KLRG1: variants seen among roughly 807,000 people sequenced by gnomAD.
KLRG1 encodes killer cell lectin-like receptor subfamily G member 1.
KLRG1 carries 16 observed loss-of-function variants against 21.8 expected under a neutral mutation model. That is an observed-to-expected ratio of 0.73 (90% CI 0.50 to 1.11). The LOEUF is 1.11. KLRG1 is among the 50% of genes most tolerant of loss of function. KLRG1 has a pLI of 0.00. For synonymous variants in KLRG1, 69 were observed against 75.9 expected, an observed-to-expected ratio of 0.91 and a Z score of 0.47; for missense variants, 173 against 218.3, an observed-to-expected ratio of 0.79 and a Z score of 1.31.
chr12:9,160,440 G>A, the KLRG1 span: 2 of 1,613,970 alleles, frequency 1.2e-6, no homozygotes, highest in South Asian at 2.2e-5. Context: ...CAGCCATATG[G>A]CATCTGGAGG....
At chr12:8,962,828 G>T (rs1208603193) in intron 1 of KLRG1, among the ~76,000 whole-genome samples, 2 of 152,100 alleles carry the variant, frequency 1.3e-5, no homozygotes, top group Non-Finnish European at 2.9e-5. Context: ...GAGCTTCAGT[G>T]ACCTGTGGTA....
chr12:9,115,993 TAAAC>T, the KLRG1 span: 2 of 708,848 alleles, frequency 2.8e-6, no homozygotes, highest in Non-Finnish European at 5.2e-6. Flanking sequence ...ACAAGATCTC[TAAAC>T]AAAGTTGAGG....
the KLRG1 span, among the ~76,000 whole-genome samples, chr12:9,185,626 C>T: frequency 1.0e-3 from 155 of 150,730 alleles, no homozygotes; most frequent in Non-Finnish European, 1.9e-3. Flanking sequence ...CTAAGACACA[C>T]AATCATCAGA....
the KLRG1 span, chr12:9,159,865 T>C: frequency 7.7e-7 from 1 of 1,298,506 alleles, no homozygotes; most frequent in Non-Finnish European, 1.1e-6. Flanking sequence ...CAACAGAAAA[T>C]GGACTAAGAC....
chr12:9,055,654 T>C, the KLRG1 span: 80 of 152,770 alleles, frequency 5.2e-4, no homozygotes, highest in African/African-American at 1.8e-3. Flanking sequence ...AGGGACAAAA[T>C]ATCCTTTTAA....
chr12:9,093,333 A>G, the KLRG1 span: 33 of 563,366 alleles, frequency 5.9e-5, no homozygotes, highest in Non-Finnish European at 1.0e-4. Flanking sequence ...GTGTATGTGT[A>G]TATATATATA....
the KLRG1 span, among the ~76,000 whole-genome samples, chr12:9,187,721 G>A: frequency 2.6e-5 from 4 of 152,182 alleles, no homozygotes; most frequent in Admixed American, 6.5e-5. Flanking sequence ...CATCCACATC[G>A]AAAAGTTAGA....
chr12:8,961,663 T>G (rs142282821), intron 1 of KLRG1, among the ~76,000 whole-genome samples: 3 of 152,188 alleles, frequency 2.0e-5, no homozygotes, highest in Non-Finnish European at 2.9e-5. Flanking sequence ...TCAGGTGATC[T>G]GTCTGCCTCG....
the KLRG1 span, among the ~76,000 whole-genome samples, chr12:9,076,053 T>A: frequency 1.3e-5 from 2 of 152,236 alleles, no homozygotes; most frequent in Non-Finnish European, 2.9e-5. Flanking sequence ...GACCATGGTA[T>A]ATGTAGAAGT....
the KLRG1 span, among the ~76,000 whole-genome samples, chr12:9,179,610 T>C: frequency 6.6e-6 from 1 of 152,188 alleles, no homozygotes; most frequent in Non-Finnish European, 1.5e-5. Flanking sequence ...CAGACATAAA[T>C]AGTTCGATCT....
chr12:9,118,434 G>T, the KLRG1 span, among the ~76,000 whole-genome samples: 2 of 152,188 alleles, frequency 1.3e-5, no homozygotes, highest in Non-Finnish European at 2.9e-5. Context: ...ATGTGGACAT[G>T]CTGACTAGTG....
the KLRG1 span, chr12:9,079,707 T>G: frequency 6.2e-7 from 1 of 1,613,780 alleles, no homozygotes; most frequent in South Asian, 1.1e-5. Flanking sequence ...ATTTAGATAA[T>G]CCAGTACATA....
At chr12:9,206,414 G>C in the KLRG1 span, among the ~76,000 whole-genome samples, 2 of 152,064 alleles carry the variant, frequency 1.3e-5, no homozygotes, top group African/African-American at 4.8e-5. Flanking sequence ...AACAAATCCA[G>C]GTTGACAAAC....
At chr12:9,100,842 GC>G in the KLRG1 span, among the ~76,000 whole-genome samples, 2 of 152,154 alleles carry the variant, frequency 1.3e-5, no homozygotes, top group Non-Finnish European at 2.9e-5. Context: ...GGAAGTGGGA[GC>G]TAAGTTATGA....
the KLRG1 span, chr12:9,093,613 A>G: frequency 5.5e-6 from 7 of 1,268,198 alleles, no homozygotes; most frequent in South Asian, 9.2e-5. Flanking sequence ...ATTACAATAA[A>G]CATACAGATA....
chr12:9,098,550 C>T, the KLRG1 span: 1 of 1,535,738 alleles, frequency 6.5e-7, no homozygotes, highest in Non-Finnish European at 8.8e-7. Flanking sequence ...GTCATTTTTC[C>T]TTGCTCTGAG....
chr12:8,960,425 T>C (rs1946363926), intron 1 of KLRG1, among the ~76,000 whole-genome samples: 1 of 152,210 alleles, frequency 6.6e-6, no homozygotes, highest in African/African-American at 2.4e-5. Flanking sequence ...GAACAACTCT[T>C]AGATCTCACA....
At chr12:9,213,968 A>G in the KLRG1 span, among the ~76,000 whole-genome samples, 4 of 151,976 alleles carry the variant, frequency 2.6e-5, no homozygotes, top group Non-Finnish European at 4.4e-5. Context: ...TAGCTCTTAC[A>G]TTTGGGTTTG....
chr12:9,175,699 T>C, the KLRG1 span, among the ~76,000 whole-genome samples: 2 of 152,056 alleles, frequency 1.3e-5, no homozygotes, highest in African/African-American at 2.4e-5. Flanking sequence ...AACAAACATA[T>C]GAAGAAAAGC....
Sources: gnomAD v4.1 joint callset for allele counts (sites outside exome capture counted in the v4.1 genomes callset) on GRCh38, gnomAD v4.1.1 for gene constraint, MANE v1.5 for transcripts, NCBI Gene and HGNC (gene_info 2026-07-23, HGNC 2026-07-21) for gene names.